CDH13: variants seen among roughly 807,000 people sequenced by gnomAD.
CDH13 encodes cadherin 13.
Under a neutral mutation model 63.8 loss-of-function variants are expected in CDH13, and 24 were observed. The observed-to-expected ratio is 0.38, with a 90% CI of 0.27 to 0.53. The LOEUF is 0.53. Ranked by LOEUF, CDH13 falls within the 20% of genes least tolerant of loss-of-function variation. The probability of loss-of-function intolerance (pLI) is 0.85; values close to 1 mark genes in which losing one functional copy is unlikely to be tolerated. For missense variants in CDH13, 1,049 were observed against 903.1 expected (o/e 1.16, Z -2.07); for synonymous variants, 503 against 355.3 (o/e 1.42, Z -4.67).
At chr16:83,248,678 A>G (rs7205969) in intron 5 of CDH13, among the ~76,000 whole-genome samples, 50,362 of 151,816 alleles carry the variant, frequency 0.33, 9,109 homozygotes, top group African/African-American at 0.46. Context: ...TCTTTCATGA[A>G]CTTCTCTCCT....
At chr16:83,791,590 A>ATCACAAGG (rs1379113436) in intron 13 of CDH13, among the ~76,000 whole-genome samples, 1 of 152,140 alleles carries the variant, frequency 6.6e-6, no homozygotes, top group Non-Finnish European at 1.5e-5. Context: ...AGGTGGGCGG[A>ATCACAAGG]TCACAAGGTC....
Position 83,545,705 on chromosome 16 carries a change from G to A in CDH13, c.961-56749G>A, listed in dbSNP as rs960669229. Among the ~76,000 whole-genome samples the A allele has an allele frequency of 9.2e-5, 14 of 152,220 alleles. No individual in the cohort carries two copies. The Middle Eastern group carries it at 0.01, about 111-fold the overall frequency. On this transcript the variant is annotated intron_variant, in intron 7 of 13. Transcript: ENST00000567109. ...TCTCCATACAGTTCCTCTCCCTGCC[G>A]TATCTTCTTGTGTGTCAATATTTAT...
intron 6 of CDH13, among the ~76,000 whole-genome samples, chr16:83,481,144 T>C (rs943428668): frequency 6.6e-6 from 1 of 152,226 alleles, no homozygotes; most frequent in Non-Finnish European, 1.5e-5. Context: ...CCATCTCTGC[T>C]CATGTTTGCT....
chr16:82,674,913 A>G (rs57876578), intron 1 of CDH13, among the ~76,000 whole-genome samples: 9 of 151,992 alleles, frequency 5.9e-5, no homozygotes, highest in African/African-American at 2.2e-4. Flanking sequence ...TCAAAAAGTC[A>G]TAATCTATTA....
intron 3 of CDH13, among the ~76,000 whole-genome samples, chr16:83,044,682 A>T (rs1917618370): frequency 6.6e-6 from 1 of 152,234 alleles, no homozygotes; most frequent in African/African-American, 2.4e-5. Context: ...CAATGCCTGG[A>T]TGCAGATGGT....
intron 1 of CDH13, among the ~76,000 whole-genome samples, chr16:82,714,722 A>G (rs1446528547): frequency 1.4e-5 from 2 of 143,712 alleles, no homozygotes; most frequent in East Asian, 4.1e-4. Context: ...TAAAAAAAAA[A>G]AAAAAAAAAA....
intron 11 of CDH13, among the ~76,000 whole-genome samples, chr16:83,769,657 G>C (rs1046625714): frequency 6.6e-6 from 1 of 152,194 alleles, no homozygotes; most frequent in Non-Finnish European, 1.5e-5. Flanking sequence ...GAAATAAGTT[G>C]TAAAAGTGGC....
chr16:83,224,335 G>A (rs763298779), intron 5 of CDH13, among the ~76,000 whole-genome samples: 7 of 152,186 alleles, frequency 4.6e-5, no homozygotes, highest in Non-Finnish European at 7.4e-5. Context: ...TATCTTTTTC[G>A]TATAATGACT....
At position 83,447,096 on chromosome 16, in the gene CDH13, CTTTTTTTTTTT is replaced by C. The variant is rs750432481; in HGVS notation, c.782-39361_782-39351del. 4.7e-3 allele frequency among the ~76,000 whole-genome samples: 194 copies of C among 41,512 alleles called. 2 individuals carry two copies. Among genetic ancestry groups the C allele is most frequent in the African/African-American group, 0.014 (164 of 11,742 alleles). 27.2% of individuals were successfully genotyped at this position (41,512 alleles called of 152,430 possible). A position where few individuals can be genotyped will look rare whatever the true frequency, so the allele number is the denominator to read the frequency against. On this transcript the variant is annotated intron_variant, in intron 6 of 13. Coordinates refer to ENST00000567109, the MANE Select transcript of CDH13 (RefSeq NM_001257.5). The stretch of plus-strand genomic sequence containing the variant: ...AAAACAAAAAACACCTTATAGTAAC[CTTTTTTTTTTT>C]TTTTTTTTTTTTTTTTTTTGGTTTG...
chr16:83,578,994 A>G (rs985191841), intron 7 of CDH13, among the ~76,000 whole-genome samples: 1 of 152,264 alleles, frequency 6.6e-6, no homozygotes, highest in Admixed American at 6.5e-5. Flanking sequence ...TGTTCCTGTT[A>G]TGAAAAGCAT....
intron 4 of CDH13, among the ~76,000 whole-genome samples, chr16:83,200,429 C>T (rs933677060): frequency 6.6e-6 from 1 of 152,124 alleles, no homozygotes; most frequent in Non-Finnish European, 1.5e-5. Flanking sequence ...AGCATTCAAC[C>T]ACTTACTGGG....
At chr16:83,735,187 C>G (rs1424668367) in intron 10 of CDH13, 1 of 152,198 alleles carries the variant, frequency 6.6e-6, no homozygotes, top group Non-Finnish European at 1.5e-5. Flanking sequence ...CACGGCAGTA[C>G]ATGCCAAACT....
At chr16:83,715,884 G>C (rs985322322) in intron 10 of CDH13, among the ~76,000 whole-genome samples, 12 of 152,104 alleles carry the variant, frequency 7.9e-5, no homozygotes, top group Non-Finnish European at 1.0e-4. Context: ...ATGCCTTCCT[G>C]GGTGGGGAAA....
chr16:83,426,845 C>T (rs944331376), intron 6 of CDH13, among the ~76,000 whole-genome samples: 1 of 147,356 alleles, frequency 6.8e-6, no homozygotes, highest in African/African-American at 2.5e-5. Flanking sequence ...GTGGTGATCA[C>T]AGTAATGGCC....
chr16:83,653,799 G>A (rs1912612662), intron 8 of CDH13, among the ~76,000 whole-genome samples: 1 of 152,092 alleles, frequency 6.6e-6, no homozygotes, highest in African/African-American at 2.4e-5. Flanking sequence ...CTCCCACATA[G>A]GGACAACACT....
intron 1 of CDH13, among the ~76,000 whole-genome samples, chr16:82,639,182 C>T (rs1458510193): frequency 6.6e-6 from 1 of 152,132 alleles, no homozygotes; most frequent in Non-Finnish European, 1.5e-5. Flanking sequence ...CTATTTTGTT[C>T]TCTACCTCCC....
chr16:83,340,951 C>G (rs562055349), intron 5 of CDH13, among the ~76,000 whole-genome samples: 1 of 152,226 alleles, frequency 6.6e-6, no homozygotes, highest in African/African-American at 2.4e-5. Context: ...ATCCTCATGT[C>G]TGAAGGGGTG....
chr16:83,553,635 C>T (rs1402103145), intron 7 of CDH13, among the ~76,000 whole-genome samples: 1 of 152,212 alleles, frequency 6.6e-6, no homozygotes, highest in Non-Finnish European at 1.5e-5. Flanking sequence ...TGGCTCACTG[C>T]AACCTCTGCC....
intron 1 of CDH13, chr16:82,844,821 T>TTA (rs58676514): frequency 0.37 from 55,507 of 148,926 alleles, 11,381 homozygotes; most frequent in East Asian, 0.83. Context: ...TATTTTTATT[T>TTA]TTTTTTTGTA....
Sources: gnomAD v4.1 joint callset for allele counts (sites outside exome capture counted in the v4.1 genomes callset) on GRCh38, gnomAD v4.1.1 for gene constraint, MANE v1.5 for transcripts, NCBI Gene and HGNC (gene_info 2026-07-23, HGNC 2026-07-21) for gene names.